The following FCMR variants were observed in gnomAD, a reference collection of about 807,000 sequenced individuals.
FCMR encodes the protein Fc mu receptor, also known as immunoglobulin mu Fc receptor.
FCMR carries 34 observed loss-of-function variants against 41.6 expected under a neutral mutation model. The observed-to-expected ratio is 0.82, with a 90% CI of 0.62 to 1.09. The LOEUF is 1.09. Ranked by LOEUF, FCMR falls within the 50% of genes least tolerant of loss-of-function variation. FCMR has a pLI of 0.00. For missense variants in FCMR, 496 were observed against 512.5 expected, an observed-to-expected ratio of 0.97 and a Z score of 0.31; for synonymous variants, 209 against 211.8, an observed-to-expected ratio of 0.99 and a Z score of 0.12.
chr1:206,906,242 C>A, intron 7 of FCMR: 1 of 424,984 alleles, frequency 2.4e-6, no homozygotes, highest in Non-Finnish European at 4.7e-6. Flanking sequence ...GGAGGTGACA[C>A]AGAGAAATGA....
At chr1:206,920,094 G>C (rs1679368103) in intron 1 of FCMR, among the ~76,000 whole-genome samples, 1 of 152,200 alleles carries the variant, frequency 6.6e-6, no homozygotes, top group African/African-American at 2.4e-5. Context: ...ATTGGGCTCA[G>C]AAGAGGGGGC....
At chr1:206,912,293 C>T (rs1305537218) in intron 3 of FCMR, among the ~76,000 whole-genome samples, 2 of 152,200 alleles carry the variant, frequency 1.3e-5, no homozygotes, top group African/African-American at 4.8e-5. Context: ...CATTTCACAC[C>T]TATCAGTCAC....
chr1:206,922,044 T>G, upstream of FCMR: 1 of 615,664 alleles, frequency 1.6e-6, no homozygotes. Flanking sequence ...AAAAAGAGAG[T>G]GCTGACAAAC....
At chr1:206,921,386 A>G (rs1476497876) in intron 1 of FCMR, 1 of 448,976 alleles carries the variant, frequency 2.2e-6, no homozygotes, top group South Asian at 1.6e-5. Context: ...GGATCACTTA[A>G]GGCCACAAGT....
chr1:206,908,166 G>A, intron 7 of FCMR: 1 of 1,452,264 alleles, frequency 6.9e-7, no homozygotes, highest in African/African-American at 1.4e-5. Flanking sequence ...GGGCCGAGAA[G>A]AACGTGGAGA....
chr1:206,910,391 T>C, intron 4 of FCMR, 51 bp from the exon 5 acceptor site: 1 of 1,421,810 alleles, frequency 7.0e-7, no homozygotes, highest in Non-Finnish European at 9.3e-7. Flanking sequence ...TTAAAGGAGG[T>C]AGGTTGAGGG....
Position 206,910,465 on chromosome 1 carries a change from T to G in FCMR, c.711-125A>C, listed in dbSNP as rs1325133904. ...CAGGTTTGTCCTTTTGTTAACAGAATTCACTCCACTCCCCCCTCAAAAAGA... is the reference window on the plus strand; with the variant it reads ...CAGGTTTGTCCTTTTGTTAACAGAAGTCACTCCACTCCCCCCTCAAAAAGA... On this transcript the variant is annotated intron_variant, in intron 4 of 7. Coordinates refer to ENST00000367091, the MANE Select transcript of FCMR (RefSeq NM_005449.5). 119 of 645,756 alleles carry G rather than the reference T, an allele frequency of 1.8e-4. 2 individuals carry two copies. The highest frequency in any genetic ancestry group is 4.7e-6 in the Non-Finnish European group (2 of 427,192). The allele number at this position is 645,756 out of a possible 1,614,324, so 40.0% of individuals were successfully genotyped here.
intron 1 of FCMR, among the ~76,000 whole-genome samples, chr1:206,918,280 T>C (rs1008950192): frequency 6.0e-4 from 92 of 152,218 alleles, no homozygotes; most frequent in Middle Eastern, 3.4e-3. Flanking sequence ...CCTGCATTCT[T>C]CCTCTCCTTC....
intron 7 of FCMR, among the ~76,000 whole-genome samples, chr1:206,907,114 T>TG (rs1678695499): frequency 4.4e-5 from 1 of 22,600 alleles, no homozygotes; most frequent in Non-Finnish European, 8.4e-5. Context: ...GGGGGGGGGG[T>TG]GGGGGCGGGG....
intron 2 of FCMR, among the ~76,000 whole-genome samples, 172 bp from the exon 3 acceptor site, chr1:206,913,214 T>G (rs1679021027): frequency 6.6e-6 from 1 of 152,112 alleles, no homozygotes; most frequent in Non-Finnish European, 1.5e-5. Flanking sequence ...AAATACTGGT[T>G]CCCCTAGTCC....
chr1:206,921,719 A>G, intron 1 of FCMR, 99 bp downstream of exon 1: 1 of 1,180,142 alleles, frequency 8.5e-7, no homozygotes, highest in Non-Finnish European at 1.3e-6. Context: ...AACTGAATCC[A>G]TCCAGAAACA....
At position 206,914,014 on chromosome 1, in the gene FCMR, G is replaced by T. The variant is rs762880718; in HGVS notation, c.118C>A (p.Pro40Thr). The T allele has an allele frequency of 6.2e-7, 1 of 1,614,204 alleles. No homozygotes were observed. Among genetic ancestry groups the T allele is most frequent in the Admixed American group, 1.7e-5 (1 of 60,026 alleles). ...GGSVTIKCPL[P>T]EMHVRIYLCR... ...AGATATATCCTCACATGCATTTCAG[G>T]AAGTGGGCACTTGATGGTAACTGAT... Residue 40 changes from proline to threonine, a missense_variant, in exon 2 of 8, where the codon CCT becomes ACT. Pro to Thr is a conservative substitution (Grantham distance 38). Transcript: ENST00000367091.
rs988780933 is a variant in FCMR at position 206,909,458 on chromosome 1, T to C, written c.1044+4A>G. 1.6e-6 allele frequency: 2 copies of C among 1,279,984 alleles called. No individual in the cohort carries two copies. Among genetic ancestry groups the C allele is most frequent in the African/African-American group, 3.1e-5 (2 of 64,536 alleles). The allele number at this position is 1,279,984 out of a possible 1,614,324, so 79.3% of individuals were successfully genotyped here. A position where few individuals can be genotyped will look rare whatever the true frequency, so the allele number is the denominator to read the frequency against. On this transcript the variant is annotated splice_donor_region_variant and intron_variant, in intron 7 of 7. Coordinates refer to ENST00000367091, the MANE Select transcript of FCMR (RefSeq NM_005449.5). The surrounding 1 kb of genome is among the most constrained non-coding windows in gnomAD (Gnocchi z 5.0). ...CTGCCAATCAGGGCAGGAGCGGAGC[T>C]TACCTGCAGCGGGGCGGGGGGCAAC...
At chr1:206,917,302 G>A (rs1455663598) in intron 1 of FCMR, among the ~76,000 whole-genome samples, 2 of 152,210 alleles carry the variant, frequency 1.3e-5, no homozygotes, top group South Asian at 4.1e-4. Context: ...ATCTCAGGAA[G>A]AGGAGAGCTG....
chr1:206,913,877 A>AT lies in FCMR; in HGVS notation c.254dup (p.Asn85LysfsTer14). On this transcript the variant is annotated frameshift_variant, in exon 2 of 8. Transcript: ENST00000367091. LOFTEE classifies it high-confidence loss of function. ...GCTGTGTTACCTCCACTAGGAACAG[A>AT]TTCTTGCGTGGGTATTGCTTCAGAG... The AT allele has an allele frequency of 5.0e-6, 8 of 1,614,222 alleles. No individual in the cohort carries two copies. Among genetic ancestry groups the AT allele is most frequent in the Non-Finnish European group, 6.8e-6 (8 of 1,180,044 alleles).
intron 1 of FCMR, among the ~76,000 whole-genome samples, chr1:206,915,488 G>GA (rs1679152527): frequency 6.6e-6 from 1 of 152,102 alleles, no homozygotes; most frequent in African/African-American, 2.4e-5. Context: ...GCTGGGGAGG[G>GA]ATAAAAGATG....
At position 206,914,048 on chromosome 1, in the gene FCMR, C is replaced by A; in HGVS notation, c.84G>T (p.Glu28Asp). 1 of 1,614,216 alleles carries A rather than the reference C, an allele frequency of 6.2e-7. No individual in the cohort carries two copies. Reference protein sequence around the residue: ...RILPEVKVEGELGGSVTIKCP... With the variant: ...RILPEVKVEGDLGGSVTIKCP... ...ACTTGATGGTAACTGATCCGCCCAG[C>A]TCCCCCTCTACCTTTACTTCTGGGA... Residue 28 changes from glutamate to aspartate, a missense_variant, in exon 2 of 8, where the codon GAG becomes GAT. By Grantham distance (45) the Glu-to-Asp change is conservative. Coordinates refer to ENST00000367091, the MANE Select transcript of FCMR (RefSeq NM_005449.5).
intron 7 of FCMR, among the ~76,000 whole-genome samples, chr1:206,907,459 C>G (rs1172281936): frequency 6.6e-6 from 1 of 152,254 alleles, no homozygotes; most frequent in Non-Finnish European, 1.5e-5. Context: ...TCTTGGCTCA[C>G]TGGCTCAGGC....
In FCMR at chr1:206,911,771, C is replaced by T. The variant is rs575369868; in HGVS notation, c.669G>A (p.Gln223=). The T allele has an allele frequency of 6.2e-7, 1 of 1,611,520 alleles. No homozygotes were observed. Among genetic ancestry groups the T allele is most frequent in the African/African-American group, 1.3e-5 (1 of 74,806 alleles). Reference sequence around the variant, plus strand: ...TGGTGTGGTGGTTGTAGCTGGGCGTCTGGGGCTTGAGCAGCCCCTCCAGAG... The same window carrying T: ...TGGTGTGGTGGTTGTAGCTGGGCGTTTGGGGCTTGAGCAGCCCCTCCAGAG... ...ISALEGLLKP[Q]TPSYNHHTRL... is the part of the protein sequence containing the mutation. The change falls in exon 4 of 8, where the codon CAG becomes CAA. Residue 223 remains glutamine (Q), a synonymous_variant. Transcript: ENST00000367091.
Sources: allele counts gnomAD v4.1 joint callset (sites outside exome capture counted in the v4.1 genomes callset), GRCh38; gene constraint gnomAD v4.1.1; non-coding constraint Gnocchi (gnomAD v3.1); transcripts MANE v1.5; gene names NCBI Gene and HGNC (gene_info 2026-07-23, HGNC 2026-07-21).